Variants in CDS2 observed in about 807,000 individuals in gnomAD.
CDS2 encodes phosphatidate cytidylyltransferase 2.
CDS2 carries 47 observed loss-of-function variants against 59.0 expected under a neutral mutation model. The observed-to-expected ratio is 0.80, with a 90% CI of 0.63 to 1.02. CDS2 has a LOEUF of 1.02. Ranked by LOEUF, CDS2 falls within the 50% of genes least tolerant of loss-of-function variation. The pLI, the probability that CDS2 is intolerant of heterozygous loss-of-function variation, is 0.00. For synonymous variants in CDS2, 207 were observed against 206.4 expected (o/e 1.00, Z -0.02); for missense variants, 356 against 558.9 (o/e 0.64, Z 3.66).
rs1433110597 is a variant in CDS2 at position 5,194,119 on chromosome 20, C to G, written c.*3885C>G. The G allele has an allele frequency of 6.6e-6, 1 of 152,250 alleles. No individual in the cohort carries two copies. Among genetic ancestry groups the G allele is most frequent in the Non-Finnish European group, 1.5e-5 (1 of 68,072 alleles). The allele number at this position is 152,250 out of a possible 1,614,324, so 9.4% of individuals were successfully genotyped here. A position where few individuals can be genotyped will look rare whatever the true frequency, so the allele number is the denominator to read the frequency against. The stretch of plus-strand genomic sequence containing the variant: ...AAGAGCAGGTGGAACAAACTCTGGC[C>G]TGAAGATGATGGCTAATACTCAGGC... On this transcript the variant is annotated 3_prime_UTR_variant, in exon 13 of 13. Transcript: ENST00000460006.
At chr20:5,153,203 T>C (rs890502329) in intron 1 of CDS2, among the ~76,000 whole-genome samples, 6 of 152,206 alleles carry the variant, frequency 3.9e-5, no homozygotes, top group African/African-American at 1.4e-4. Context: ...TACTTACTGT[T>C]TGTGATATAT....
rs767657841 is a variant in CDS2 at position 5,171,947 on chromosome 20, A to AG, written c.58-1575dup. Among the ~76,000 whole-genome samples the AG allele has an allele frequency of 3.9e-5, 6 of 152,352 alleles. No individual in the cohort carries two copies. In the South Asian group the frequency reaches 8.3e-4, roughly 21 times the overall value. ...AGCCAGCTGTCTCTTTTTTATCAGC[A>AG]GTCTGCACTAGGCGAGGCCCTCTGT... is the stretch of plus-strand genomic sequence containing the variant. On this transcript the variant is annotated intron_variant, in intron 1 of 12. Transcript: ENST00000460006.
intron 1 of CDS2, among the ~76,000 whole-genome samples, chr20:5,143,099 C>T (rs544439731): frequency 4.6e-5 from 7 of 152,240 alleles, no homozygotes; most frequent in African/African-American, 1.2e-4. Context: ...CTGCCTCAGC[C>T]TCCCACAGTG....
Position 5,165,600 on chromosome 20 carries a change from A to G in CDS2, c.58-7923A>G, listed in dbSNP as rs368845355. On this transcript the variant is annotated intron_variant, in intron 1 of 12. Coordinates refer to ENST00000460006, the MANE Select transcript of CDS2 (RefSeq NM_003818.4). ...GTCTTGCTCTGTCATCTAGGCTGGAATGCAGTGGCATGATCAGGTCTCACT... is the reference window on the plus strand; with the variant it reads ...GTCTTGCTCTGTCATCTAGGCTGGAGTGCAGTGGCATGATCAGGTCTCACT... Among the ~76,000 whole-genome samples, 3 of 152,002 alleles carry G rather than the reference A, an allele frequency of 2.0e-5. No individual in the cohort carries two copies. The South Asian group carries it at 6.2e-4, about 32-fold the overall frequency.
Position 5,178,791 on chromosome 20 carries a change from C to T in CDS2, c.390-26C>T, listed in dbSNP as rs541218099. On this transcript the variant is annotated intron_variant, in intron 4 of 12. Transcript: ENST00000460006. ...GCTGTGAAGGCAAGGGTGCTCCCCA[C>T]GGCAATGACCTGTCTTCATTTACAG... 2.1e-5 allele frequency: 34 copies of T among 1,613,646 alleles called. No homozygotes were observed. The Middle Eastern group carries it at 4.9e-4, about 23-fold the overall frequency.
chr20:5,145,212 A>G (rs996752124), intron 1 of CDS2, among the ~76,000 whole-genome samples: 4 of 145,438 alleles, frequency 2.8e-5, no homozygotes, highest in Non-Finnish European at 4.5e-5. Flanking sequence ...ACCTCATTTT[A>G]GGGCGAATGG....
intron 1 of CDS2, among the ~76,000 whole-genome samples, chr20:5,143,537 A>G (rs1448284539): frequency 6.6e-6 from 1 of 152,046 alleles, no homozygotes; most frequent in East Asian, 1.9e-4. Flanking sequence ...AAACAATCCA[A>G]ATTGTGAATA....
In CDS2 at chr20:5,190,552, G is replaced by A; in HGVS notation, c.*318G>A. 5.3e-6 allele frequency: 1 copy of A among 188,734 alleles called. No homozygotes were observed. Among genetic ancestry groups the A allele is most frequent in the Admixed American group, 6.0e-5 (1 of 16,734 alleles). 11.7% of individuals were successfully genotyped at this position (188,734 alleles called of 1,614,324 possible). Reference sequence around the variant, plus strand: ...CCAGGTCAGGAGTGTTTTCTTGGTGGTTCCAGCCCCCATCAATTGAACTGT... The same window carrying A: ...CCAGGTCAGGAGTGTTTTCTTGGTGATTCCAGCCCCCATCAATTGAACTGT... On this transcript the variant is annotated 3_prime_UTR_variant, in exon 13 of 13. Transcript: ENST00000460006.
chr20:5,153,009 T>A (rs2090804773), intron 1 of CDS2, among the ~76,000 whole-genome samples: 1 of 152,208 alleles, frequency 6.6e-6, no homozygotes, highest in Admixed American at 6.5e-5. Context: ...CTGTCCCTCC[T>A]GTTTTGTCCC....
intron 9 of CDS2, among the ~76,000 whole-genome samples, 172 bp from the exon 10 acceptor site, chr20:5,186,509 CTTTTTT>C (rs796198951): frequency 5.0e-4 from 72 of 144,072 alleles, no homozygotes; most frequent in African/African-American, 1.7e-3. Flanking sequence ...TCATGAGCCT[CTTTTTT>C]TTTTTTTAAT....
In CDS2 at chr20:5,192,454, C is replaced by T. The variant is rs1023691152; in HGVS notation, c.*2220C>T. 2 of 152,438 alleles carry T rather than the reference C, an allele frequency of 1.3e-5. No homozygotes were observed. The highest frequency in any genetic ancestry group is 1.3e-4 in the Admixed American group (2 of 15,286). The allele number at this position is 152,438 out of a possible 1,614,324, so 9.4% of individuals were successfully genotyped here. ...GTGTTTTATTTTCTGATTTCTCCTG[C>T]ATGCTTTCTGGAGATGAGGATTTTT... On this transcript the variant is annotated 3_prime_UTR_variant, in exon 13 of 13. Coordinates refer to ENST00000460006, the MANE Select transcript of CDS2 (RefSeq NM_003818.4).
At chr20:5,145,241 C>CA (rs71332874) in intron 1 of CDS2, among the ~76,000 whole-genome samples, 4 of 101,724 alleles carry the variant, frequency 3.9e-5, no homozygotes, top group Non-Finnish European at 5.9e-5. Flanking sequence ...GAAAGACCCC[C>CA]CCCCCCGCCC....
At chr20:5,133,953 T>C (rs1405774910) in intron 1 of CDS2, among the ~76,000 whole-genome samples, 2 of 152,250 alleles carry the variant, frequency 1.3e-5, no homozygotes, top group Non-Finnish European at 2.9e-5. Context: ...CTATTTTTCT[T>C]ATTTGGCTAC....
In CDS2 at chr20:5,150,562, C is replaced by T. The variant is rs562091590; in HGVS notation, c.58-22961C>T. 1.2e-4 allele frequency among the ~76,000 whole-genome samples: 19 copies of T among 152,308 alleles called. 1 individual carries two copies. Among genetic ancestry groups the T allele is most frequent in the Admixed American group, 1.2e-3 (18 of 15,306 alleles). ...CCTTGCCTTACTTTGTACCCAGTCT[C>T]GGAGAGAAGGGGAGGTGACAGGGGC... On this transcript the variant is annotated intron_variant, in intron 1 of 12. Coordinates refer to ENST00000460006, the MANE Select transcript of CDS2 (RefSeq NM_003818.4).
intron 1 of CDS2, among the ~76,000 whole-genome samples, chr20:5,172,225 G>C (rs983772709): frequency 2.0e-5 from 3 of 152,182 alleles, no homozygotes; most frequent in Non-Finnish European, 2.9e-5. Flanking sequence ...CAGCCAAGGA[G>C]ACATTTACAA....
At chr20:5,166,073 G>A (rs536509718) in intron 1 of CDS2, among the ~76,000 whole-genome samples, 1 of 152,282 alleles carries the variant, frequency 6.6e-6, no homozygotes, top group African/African-American at 2.4e-5. Flanking sequence ...TTCTGGGAAG[G>A]TCCTCGTGTT....
intron 1 of CDS2, among the ~76,000 whole-genome samples, chr20:5,152,409 A>G (rs1271485097): frequency 6.6e-6 from 1 of 151,998 alleles, no homozygotes; most frequent in Non-Finnish European, 1.5e-5. Context: ...CTTTCGTTTC[A>G]TCTTTAGTTT....
intron 1 of CDS2, among the ~76,000 whole-genome samples, chr20:5,163,403 A>G (rs1361666371): frequency 6.8e-6 from 1 of 147,554 alleles, no homozygotes. Flanking sequence ...CTGGGAGTAC[A>G]GGCATGGGCC....
In CDS2 at chr20:5,165,380, A is replaced by T. The variant is rs149138759; in HGVS notation, c.58-8143A>T. ...GTAGCCCAGCTACACCTGCCACTTC[A>T]GCAAACCCTGGATTCTCTCAGCATC... On this transcript the variant is annotated intron_variant, in intron 1 of 12. Transcript: ENST00000460006. Among the ~76,000 whole-genome samples, 551 of 152,290 alleles carry T rather than the reference A, an allele frequency of 3.6e-3. 5 individuals are homozygous for T. The highest frequency in any genetic ancestry group is 0.013 in the African/African-American group (529 of 41,570).
Sources: gnomAD v4.1 joint callset for allele counts (sites outside exome capture counted in the v4.1 genomes callset) on GRCh38, gnomAD v4.1.1 for gene constraint, MANE v1.5 for transcripts, NCBI Gene and HGNC (gene_info 2026-07-23, HGNC 2026-07-21) for gene names.